The following SMARCA2 variants were observed in gnomAD, a reference collection of about 807,000 sequenced individuals.
SMARCA2 encodes the protein SWI/SNF related BAF chromatin remodeling complex subunit ATPase 2, also known as SWI/SNF-related matrix-associated actin-dependent regulator of chromatin subfamily A member 2.
In SMARCA2, 61 loss-of-function variants were observed where a neutral mutation model predicts 199.8. The observed-to-expected ratio is 0.31, with a 90% confidence interval of 0.25 to 0.38. The LOEUF is 0.38. Ranked by LOEUF, SMARCA2 falls within the 10% of genes least tolerant of loss-of-function variation. The pLI is 1.00. For missense variants in SMARCA2, 1,344 were observed against 2,012.2 expected, an observed-to-expected ratio of 0.67 and a Z score of 6.35; for synonymous variants, 935 against 732.0, an observed-to-expected ratio of 1.28 and a Z score of -4.48.
intron 22 of SMARCA2, among the ~76,000 whole-genome samples, chr9:2,102,563 A>C (rs1453246447): frequency 6.6e-6 from 1 of 152,224 alleles, no homozygotes; most frequent in African/African-American, 2.4e-5. Flanking sequence ...ATCACCTAAA[A>C]TTCGGTTTTA....
chr9:2,146,386 G>A (rs2130703776), intron 27 of SMARCA2, among the ~76,000 whole-genome samples: 1 of 152,248 alleles, frequency 6.6e-6, no homozygotes, highest in South Asian at 2.1e-4. Flanking sequence ...TGCGAAATCA[G>A]GATGGGTAGG....
At chr9:2,182,499 T>C (rs950651460) in intron 31 of SMARCA2, among the ~76,000 whole-genome samples, 3 of 142,178 alleles carry the variant, frequency 2.1e-5, no homozygotes, top group African/African-American at 8.0e-5. Context: ...TTTTTTTTTT[T>C]TTTTTTCCTT....
intron 24 of SMARCA2, among the ~76,000 whole-genome samples, chr9:2,112,475 TC>T (rs1823048925): frequency 6.6e-6 from 1 of 151,828 alleles, no homozygotes; most frequent in South Asian, 2.1e-4. Context: ...CCACCCCGCC[TC>T]TCATTTTTTT....
At chr9:2,049,093 T>G (rs895020009) in intron 5 of SMARCA2, among the ~76,000 whole-genome samples, 1 of 152,176 alleles carries the variant, frequency 6.6e-6, no homozygotes, top group Non-Finnish European at 1.5e-5. Flanking sequence ...TCCATTTGAA[T>G]TACCAGTACC....
intron 1 of SMARCA2, among the ~76,000 whole-genome samples, chr9:2,021,441 G>A (rs952906327): frequency 6.6e-6 from 1 of 152,154 alleles, no homozygotes; most frequent in East Asian, 1.9e-4. Flanking sequence ...CACTTAAACT[G>A]TATTTTTCTG....
At chr9:2,191,434 G>C in intron 33 of SMARCA2, 26 bp downstream of exon 33, 7 of 1,612,878 alleles carry the variant, frequency 4.3e-6, no homozygotes, top group Non-Finnish European at 5.9e-6. Context: ...TGGGACTGAA[G>C]GCGGAGACGC....
At chr9:2,167,685 G>A (rs1202343273) in intron 28 of SMARCA2, among the ~76,000 whole-genome samples, 2 of 152,260 alleles carry the variant, frequency 1.3e-5, no homozygotes, top group African/African-American at 2.4e-5. Context: ...TCTGGGAATT[G>A]TGGTAAGACT....
intron 27 of SMARCA2, among the ~76,000 whole-genome samples, chr9:2,149,743 AT>A (rs1824961410): frequency 6.6e-6 from 1 of 151,308 alleles, no homozygotes; most frequent in African/African-American, 2.4e-5. Context: ...CTTTGTTCTT[AT>A]TTTTTTGCGC....
chr9:2,183,326 C>A (rs1388496384), intron 31 of SMARCA2, among the ~76,000 whole-genome samples: 2 of 152,228 alleles, frequency 1.3e-5, no homozygotes, highest in African/African-American at 4.8e-5. Flanking sequence ...TTTTATCAGC[C>A]CAATTGCAAT....
At chr9:2,175,392 A>G (rs1826513796) in intron 29 of SMARCA2, among the ~76,000 whole-genome samples, 2 of 150,672 alleles carry the variant, frequency 1.3e-5, no homozygotes, top group Non-Finnish European at 1.5e-5. Flanking sequence ...TAATAAATGC[A>G]ATGGGAGAAT....
intron 9 of SMARCA2, 94 bp downstream of exon 9, chr9:2,061,080 C>G (rs935690915): frequency 1.7e-6 from 2 of 1,192,970 alleles, no homozygotes; most frequent in East Asian, 2.6e-5. Context: ...ACTTCTTACA[C>G]TGGTGGAAGG....
In SMARCA2 at chr9:2,056,541, CA is replaced by C; in HGVS notation, c.1174-128del. The stretch of plus-strand genomic sequence containing the variant: ...TTTAGTTCCTTCATTTAATACAAAC[CA>C]AAGGTGATTGAGAAGCTTGTGGAGA... On this transcript the variant is annotated intron_variant, in intron 6 of 33. Transcript: ENST00000349721. This position sits in a 1 kb window ranked among gnomAD's most constrained non-coding sequence, Gnocchi z 4.0. The C allele has an allele frequency of 2.7e-6, 2 of 738,094 alleles. No individual in the cohort carries two copies. Among genetic ancestry groups the C allele is most frequent in the Non-Finnish European group, 4.3e-6 (2 of 465,324 alleles). 45.7% of individuals were successfully genotyped at this position (738,094 alleles called of 1,614,324 possible). A position where few individuals can be genotyped will look rare whatever the true frequency, so the allele number is the denominator to read the frequency against.
At chr9:2,122,230 C>T (rs1461870160) in intron 26 of SMARCA2, among the ~76,000 whole-genome samples, 1 of 152,124 alleles carries the variant, frequency 6.6e-6, no homozygotes, top group African/African-American at 2.4e-5. Flanking sequence ...ATTAAACATA[C>T]CTCAAAGACT....
At chr9:2,095,382 C>A (rs1298407375) in intron 19 of SMARCA2, among the ~76,000 whole-genome samples, 1 of 151,776 alleles carries the variant, frequency 6.6e-6, no homozygotes, top group Non-Finnish European at 1.5e-5. Context: ...CCGCACCGGG[C>A]CAAATTATAG....
chr9:2,018,236 C>A (rs140799214), intron 1 of SMARCA2, among the ~76,000 whole-genome samples: 1 of 152,212 alleles, frequency 6.6e-6, no homozygotes, highest in South Asian at 2.1e-4. Flanking sequence ...GAATCCATTC[C>A]TTATTCAATG....
At chr9:2,064,708 G>A (rs529367430) in intron 9 of SMARCA2, among the ~76,000 whole-genome samples, 1 of 152,150 alleles carries the variant, frequency 6.6e-6, no homozygotes. Context: ...TATCACAGGT[G>A]ATAAACTCTG....
At chr9:2,037,070 T>G (rs1260521494) in intron 3 of SMARCA2, among the ~76,000 whole-genome samples, 1 of 152,160 alleles carries the variant, frequency 6.6e-6, no homozygotes, top group Non-Finnish European at 1.5e-5. Flanking sequence ...GTTAGTAGCT[T>G]TGGTGGAAAG....
chr9:2,021,309 A>C (rs1013550993), intron 1 of SMARCA2, among the ~76,000 whole-genome samples: 1 of 152,258 alleles, frequency 6.6e-6, no homozygotes, highest in Non-Finnish European at 1.5e-5. Flanking sequence ...TAAAAAAAAC[A>C]AAAACAACTA....
At chr9:2,141,187 C>T (rs558598148) in intron 27 of SMARCA2, among the ~76,000 whole-genome samples, 9 of 98,400 alleles carry the variant, frequency 9.1e-5, no homozygotes, top group African/African-American at 3.4e-4. Flanking sequence ...GACCCTTTCT[C>T]TCAGTATATC....
Sources: allele counts gnomAD v4.1 joint callset (sites outside exome capture counted in the v4.1 genomes callset), GRCh38; gene constraint gnomAD v4.1.1; non-coding constraint Gnocchi (gnomAD v3.1); transcripts MANE v1.5; gene names NCBI Gene and HGNC (gene_info 2026-07-23, HGNC 2026-07-21).